PHC2: variants seen among roughly 807,000 people sequenced by gnomAD.
The protein encoded by PHC2 is polyhomeotic homolog 2, also known as polyhomeotic-like protein 2.
A neutral mutation model predicts 87.4 loss-of-function variants in PHC2; 29 were observed. The ratio of observed to expected loss-of-function variants is 0.33; its 90% CI spans 0.25 to 0.45. PHC2 has a LOEUF of 0.45. Ranked by LOEUF, PHC2 falls within the 20% of genes least tolerant of loss-of-function variation. PHC2 has a pLI of 1.00. For missense variants in PHC2, 857 were observed against 1,136.7 expected (o/e 0.75, Z 3.54); for synonymous variants, 438 against 461.7 (o/e 0.95, Z 0.66).
chr1:33,333,056 T>G (rs1646539021), intron 10 of PHC2, among the ~76,000 whole-genome samples: 1 of 152,166 alleles, frequency 6.6e-6, no homozygotes, highest in Non-Finnish European at 1.5e-5. Flanking sequence ...TGCTATGCAA[T>G]CTGCCTCCAC....
intron 1 of PHC2, among the ~76,000 whole-genome samples, chr1:33,383,680 G>T (rs1648599699): frequency 6.6e-6 from 1 of 152,334 alleles, no homozygotes. Flanking sequence ...GACTTGGGCA[G>T]CCCTGGACTC....
intron 1 of PHC2, among the ~76,000 whole-genome samples, chr1:33,381,960 C>T (rs188506939): frequency 2.6e-5 from 4 of 152,098 alleles, no homozygotes; most frequent in Non-Finnish European, 5.9e-5. Context: ...CCCTGATTCT[C>T]ATCCAGTACC....
At chr1:33,401,258 GGA>G (rs1649515001) in intron 1 of PHC2, among the ~76,000 whole-genome samples, 1 of 152,070 alleles carries the variant, frequency 6.6e-6, no homozygotes, top group Admixed American at 6.6e-5. Context: ...CCCAGGAGGT[GGA>G]GCTTGCAGTG....
chr1:33,392,606 C>G (rs920100327), intron 1 of PHC2: 4 of 152,136 alleles, frequency 2.6e-5, no homozygotes, highest in Admixed American at 2.6e-4. Context: ...CTAGCTTTGC[C>G]ATTATTCTAA....
chr1:33,423,332 T>C (rs551284195), intron 1 of PHC2, among the ~76,000 whole-genome samples: 55 of 152,338 alleles, frequency 3.6e-4, no homozygotes, highest in Non-Finnish European at 6.5e-4. Context: ...GCTTCAGATA[T>C]GGGACAGTGT....
At chr1:33,356,102 T>C (rs1647065319) in intron 7 of PHC2, among the ~76,000 whole-genome samples, 1 of 151,932 alleles carries the variant, frequency 6.6e-6, no homozygotes, top group Non-Finnish European at 1.5e-5. Context: ...TTCCAGATCA[T>C]GAACTCCTTG....
chr1:33,351,143 A>G (rs1213618530), intron 9 of PHC2, among the ~76,000 whole-genome samples: 1 of 152,222 alleles, frequency 6.6e-6, no homozygotes, highest in Non-Finnish European at 1.5e-5. Context: ...GCAACAACTC[A>G]TCTCTGCTGT....
Position 33,349,692 on chromosome 1 carries a change from C to T in PHC2, c.1558+4709G>A. On this transcript the variant is annotated intron_variant, in intron 9 of 14. Coordinates refer to ENST00000683057, the MANE Select transcript of PHC2 (RefSeq NM_001385109.1). This position sits in a 1 kb window ranked among gnomAD's most constrained non-coding sequence, Gnocchi z 4.2. ...GGGGTCCCGGGCCCGGGCGGGCCGC[C>T]TCCTCTCCGCCGGGAGCCTCCGAGC... 1 of 987,358 alleles carries T rather than the reference C, an allele frequency of 1.0e-6. No homozygotes were observed. Among genetic ancestry groups the T allele is most frequent in the Non-Finnish European group, 1.2e-6 (1 of 832,184 alleles). 61.2% of individuals were successfully genotyped at this position (987,358 alleles called of 1,614,324 possible).
At chr1:33,396,001 T>C (rs1488624471) in intron 1 of PHC2, among the ~76,000 whole-genome samples, 1 of 152,210 alleles carries the variant, frequency 6.6e-6, no homozygotes, top group African/African-American at 2.4e-5. Flanking sequence ...ATTTAACATA[T>C]GGCCTCATGG....
intron 9 of PHC2, among the ~76,000 whole-genome samples, chr1:33,350,610 C>A (rs1157917009): frequency 6.6e-6 from 1 of 152,262 alleles, no homozygotes; most frequent in East Asian, 1.9e-4. Context: ...GTGCTGGACA[C>A]ACGCCAGGCA....
chr1:33,419,899 G>A (rs1048156436), intron 1 of PHC2, among the ~76,000 whole-genome samples: 3 of 150,654 alleles, frequency 2.0e-5, no homozygotes, highest in Admixed American at 1.3e-4. Context: ...GTGAGCCACC[G>A]CGCCCGGCCA....
intron 1 of PHC2, among the ~76,000 whole-genome samples, chr1:33,407,242 C>G (rs921745311): frequency 5.9e-5 from 9 of 152,160 alleles, no homozygotes; most frequent in African/African-American, 2.2e-4. Flanking sequence ...ATTGCAATTT[C>G]TGAAGTTTCT....
intron 9 of PHC2, among the ~76,000 whole-genome samples, chr1:33,343,468 CAAAA>C (rs71006394): frequency 8.4e-5 from 5 of 59,842 alleles, no homozygotes; most frequent in African/African-American, 3.8e-4. Context: ...GACTCTGTCT[CAAAA>C]AAAAAAAAAA....
rs1337647215 is a variant in PHC2, at chr1:33,367,446, G to T, written c.664-18C>A. ...TTCTGTACCTGGAAAAGAGGGGTCT[G>T]TGGGAGTCCAGAGAATGTGGCAGGA... is the stretch of plus-strand genomic sequence containing the variant. On this transcript the variant is annotated intron_variant, in intron 6 of 14. Transcript: ENST00000683057. 2 of 1,530,046 alleles carry T rather than the reference G, an allele frequency of 1.3e-6. No homozygotes were observed. Among genetic ancestry groups the T allele is most frequent in the South Asian group, 2.6e-5 (2 of 77,552 alleles). 94.8% of individuals were successfully genotyped at this position (1,530,046 alleles called of 1,614,324 possible).
rs575379124 is a variant in PHC2, at chr1:33,393,022, G to A, written c.-54-17429C>T. On this transcript the variant is annotated intron_variant, in intron 1 of 14. Coordinates refer to ENST00000683057, the MANE Select transcript of PHC2 (RefSeq NM_001385109.1). ...GCCAGGCACATGCTTCAGATAGCAGGCCATCTGATCCCTTCCCTTGTCCCC... is the reference window on the plus strand; with the variant it reads ...GCCAGGCACATGCTTCAGATAGCAGACCATCTGATCCCTTCCCTTGTCCCC... Among the ~76,000 whole-genome samples the A allele has an allele frequency of 3.3e-5, 5 of 152,204 alleles. No individual in the cohort carries two copies. The South Asian group carries it at 1.0e-3, about 32-fold the overall frequency.
At chr1:33,338,611 G>T (rs914303533) in intron 9 of PHC2, among the ~76,000 whole-genome samples, 1 of 152,240 alleles carries the variant, frequency 6.6e-6, no homozygotes, top group South Asian at 2.1e-4. Flanking sequence ...AGACTGCTTT[G>T]CGGCCTTTGG....
chr1:33,388,451 G>A (rs531825708), intron 1 of PHC2, among the ~76,000 whole-genome samples: 1 of 151,984 alleles, frequency 6.6e-6, no homozygotes, highest in East Asian at 1.9e-4. Context: ...AGCCTCCCGA[G>A]TAGCTGGGAT....
At chr1:33,384,484 C>T (rs1017772041) in intron 1 of PHC2, among the ~76,000 whole-genome samples, 1 of 152,230 alleles carries the variant, frequency 6.6e-6, no homozygotes, top group African/African-American at 2.4e-5. Flanking sequence ...AATACCTCCA[C>T]GTGGAAAGAA....
At chr1:33,423,821 C>G (rs74944084) in intron 1 of PHC2, among the ~76,000 whole-genome samples, 2 of 151,876 alleles carry the variant, frequency 1.3e-5, no homozygotes, top group African/African-American at 4.8e-5. Context: ...TGAATAAGGC[C>G]GGGCACATGA....
Sources: allele counts gnomAD v4.1 joint callset (sites outside exome capture counted in the v4.1 genomes callset), GRCh38; gene constraint gnomAD v4.1.1; non-coding constraint Gnocchi (gnomAD v3.1); transcripts MANE v1.5; gene names NCBI Gene and HGNC (gene_info 2026-07-23, HGNC 2026-07-21).